The following GTF2A1 variants were observed in gnomAD, a reference collection of about 807,000 sequenced individuals.
GTF2A1 encodes general transcription factor IIA subunit 1.
Under a neutral mutation model 54.1 loss-of-function variants are expected in GTF2A1, and 12 were observed. The ratio of observed to expected loss-of-function variants is 0.22; its 90% CI spans 0.14 to 0.36. The LOEUF is 0.36. Ranked by LOEUF, GTF2A1 falls within the 10% of genes least tolerant of loss-of-function variation. GTF2A1 has a pLI of 1.00. For synonymous variants in GTF2A1, 145 were observed against 152.0 expected, an observed-to-expected ratio of 0.95 and a Z score of 0.34; for missense variants, 335 against 442.2, an observed-to-expected ratio of 0.76 and a Z score of 2.17.
intron 7 of GTF2A1, among the ~76,000 whole-genome samples, chr14:81,191,711 G>A (rs1372198442): frequency 1.3e-5 from 2 of 152,104 alleles, no homozygotes; most frequent in African/African-American, 4.8e-5. Context: ...ATTAGGGAGA[G>A]GCATCTAAGG....
chr14:81,199,838 G>T (rs1447212926), intron 4 of GTF2A1, among the ~76,000 whole-genome samples: 1 of 151,902 alleles, frequency 6.6e-6, no homozygotes, highest in Non-Finnish European at 1.5e-5. Flanking sequence ...TCTTTTAGAG[G>T]GGCCTACCAC....
intron 8 of GTF2A1, among the ~76,000 whole-genome samples, chr14:81,184,537 C>T (rs1892701363): frequency 6.6e-6 from 1 of 152,158 alleles, no homozygotes; most frequent in Non-Finnish European, 1.5e-5. Context: ...CTAACTCCAC[C>T]TTTTTATTAG....
chr14:81,186,131 C>T (rs747213944), intron 7 of GTF2A1, among the ~76,000 whole-genome samples: 34 of 152,218 alleles, frequency 2.2e-4, no homozygotes, highest in Non-Finnish European at 3.8e-4. Context: ...GGATTACAGG[C>T]GTGAGCCACC....
intron 7 of GTF2A1, 90 bp from the exon 8 acceptor site, chr14:81,185,710 ACCAAATG>A (rs1892729743): frequency 1.5e-6 from 1 of 653,786 alleles, no homozygotes; most frequent in Non-Finnish European, 2.7e-6. Flanking sequence ...TTCTTTGAGA[ACCAAATG>A]CCAAATGCAT....
chr14:81,196,094 G>T lies in GTF2A1; in HGVS notation c.612+14C>A. ...ACAGAACCCCATACTGATCATAATA[G>T]AAGATTATTTTACCTGCTGTATAAC... On this transcript the variant is annotated intron_variant, in intron 6 of 8. Transcript: ENST00000553612. The T allele has an allele frequency of 3.1e-6, 5 of 1,610,590 alleles. No individual in the cohort carries two copies. The highest frequency in any genetic ancestry group is 4.2e-6 in the Non-Finnish European group (5 of 1,176,984).
Position 81,220,556 on chromosome 14 carries a change from G to C in GTF2A1, c.-38C>G, listed in dbSNP as rs770777838. On this transcript the variant is annotated 5_prime_UTR_variant, in exon 1 of 9. Coordinates refer to ENST00000553612, the MANE Select transcript of GTF2A1 (RefSeq NM_015859.4). ...CACAAACAAGAGGGGGCAACCCCAAGAAAACAAGATAAAAACAAAACCAAA... is the reference window on the plus strand; with the variant it reads ...CACAAACAAGAGGGGGCAACCCCAACAAAACAAGATAAAAACAAAACCAAA... 4 of 1,458,110 alleles carry C rather than the reference G, an allele frequency of 2.7e-6. No individual in the cohort carries two copies. Among genetic ancestry groups the C allele is most frequent in the Non-Finnish European group, 3.7e-6 (4 of 1,083,824 alleles). 90.3% of individuals were successfully genotyped at this position (1,458,110 alleles called of 1,614,324 possible).
intron 7 of GTF2A1, among the ~76,000 whole-genome samples, chr14:81,188,279 C>CT (rs1300122869): frequency 1.3e-5 from 2 of 152,172 alleles, no homozygotes; most frequent in African/African-American, 4.8e-5. Context: ...ACTCAGGAGG[C>CT]TGAGGCAGAA....
intron 2 of GTF2A1, among the ~76,000 whole-genome samples, chr14:81,212,586 C>G (rs1893396329): frequency 6.6e-6 from 1 of 152,202 alleles, no homozygotes; most frequent in African/African-American, 2.4e-5. Context: ...CCACTGCCTC[C>G]TTTACAGCCT....
At position 81,220,671 on chromosome 14, in the gene GTF2A1, G is replaced by A. The variant is rs1893616314; in HGVS notation, c.-153C>T. ...AACAAAATCAATCCTGAAGGAGTAG[G>A]GGAGAGCGGAGAGAGGAGGAGGAGG... On this transcript the variant is annotated 5_prime_UTR_variant, in exon 1 of 9. Coordinates refer to ENST00000553612, the MANE Select transcript of GTF2A1 (RefSeq NM_015859.4). The A allele has an allele frequency of 2.1e-6, 1 of 486,498 alleles. No individual in the cohort carries two copies. The highest frequency in any genetic ancestry group is 3.6e-6 in the Non-Finnish European group (1 of 281,522). The allele number at this position is 486,498 out of a possible 1,614,324, so 30.1% of individuals were successfully genotyped here. A position where few individuals can be genotyped will look rare whatever the true frequency, so the allele number is the denominator to read the frequency against.
intron 2 of GTF2A1, among the ~76,000 whole-genome samples, chr14:81,211,081 A>T (rs1479831735): frequency 6.6e-6 from 1 of 152,252 alleles, no homozygotes; most frequent in Non-Finnish European, 1.5e-5. Context: ...AGACATTATT[A>T]TCTCCCTTTT....
At chr14:81,221,096 C>G (rs1893638912), upstream of GTF2A1, 1 of 152,746 alleles carries the variant, frequency 6.5e-6, no homozygotes, top group African/African-American at 2.4e-5. Flanking sequence ...CGCGCCGTGG[C>G]GGGTACTGGA....
chr14:81,180,427 A>AC (rs967931848), intron 8 of GTF2A1, 97 bp from the exon 9 acceptor site: 141 of 630,086 alleles, frequency 2.2e-4, no homozygotes, highest in Middle Eastern at 4.2e-4. Flanking sequence ...GTACACACAC[A>AC]CCCCCCCACA....
intron 7 of GTF2A1, among the ~76,000 whole-genome samples, chr14:81,187,622 T>C (rs1451166354): frequency 3.9e-5 from 6 of 152,216 alleles, no homozygotes; most frequent in African/African-American, 1.4e-4. Flanking sequence ...TATGTGGCGT[T>C]GTGTGGCTGA....
Position 81,177,072 on chromosome 14 carries a change from C to T in GTF2A1, c.*3151G>A, listed in dbSNP as rs1892544790. ...AAGCCAGGAAAAAAAAAATCTGTGA[C>T]TTTCATTATAGCAAAAGAAAATATT... On this transcript the variant is annotated 3_prime_UTR_variant, in exon 9 of 9. Coordinates refer to ENST00000553612, the MANE Select transcript of GTF2A1 (RefSeq NM_015859.4). The T allele has an allele frequency of 6.6e-6, 1 of 152,002 alleles. No homozygotes were observed. The highest frequency in any genetic ancestry group is 2.4e-5 in the African/African-American group (1 of 41,426). 9.4% of individuals were successfully genotyped at this position (152,002 alleles called of 1,614,324 possible).
intron 7 of GTF2A1, among the ~76,000 whole-genome samples, chr14:81,189,954 T>C (rs1234782634): frequency 6.6e-6 from 1 of 152,044 alleles, no homozygotes; most frequent in African/African-American, 2.4e-5. Context: ...GCTAAAAGTT[T>C]ACTCTTTGAA....
At chr14:81,182,044 C>T (rs180814133) in intron 8 of GTF2A1, among the ~76,000 whole-genome samples, 98 of 152,186 alleles carry the variant, frequency 6.4e-4, no homozygotes, top group Middle Eastern at 3.4e-3. Flanking sequence ...TTTACCCTTA[C>T]GGAAATCTGC....
chr14:81,217,442 T>C (rs1893511055), intron 1 of GTF2A1, among the ~76,000 whole-genome samples: 1 of 152,192 alleles, frequency 6.6e-6, no homozygotes. Context: ...TTGACAAAAC[T>C]AGAGTTGCCT....
intron 1 of GTF2A1, among the ~76,000 whole-genome samples, chr14:81,220,163 G>A (rs1243746623): frequency 1.1e-5 from 1 of 91,018 alleles, no homozygotes; most frequent in African/African-American, 4.2e-5. Context: ...CTCCCCTCCC[G>A]CCCTCCCTCC....
chr14:81,205,490 G>A (rs780838368), intron 2 of GTF2A1, among the ~76,000 whole-genome samples: 2 of 152,210 alleles, frequency 1.3e-5, no homozygotes, highest in African/African-American at 2.4e-5. Context: ...TGGTTGTTGA[G>A]AGGATTAAAT....
Sources: allele counts gnomAD v4.1 joint callset (sites outside exome capture counted in the v4.1 genomes callset), GRCh38; gene constraint gnomAD v4.1.1; transcripts MANE v1.5; gene names NCBI Gene and HGNC (gene_info 2026-07-23, HGNC 2026-07-21).